Variants in CEACAM20 observed in about 807,000 individuals in gnomAD.
CEACAM20 encodes cell adhesion molecule CEACAM20.
Under a neutral mutation model 61.2 loss-of-function variants are expected in CEACAM20, and 50 were observed. The observed-to-expected ratio is 0.82, with a 90% CI of 0.65 to 1.03. CEACAM20 has a LOEUF of 1.03. Ranked by LOEUF, CEACAM20 falls within the 50% of genes least tolerant of loss-of-function variation. CEACAM20 has a pLI of 0.00. For missense variants in CEACAM20, 683 were observed against 736.4 expected, an observed-to-expected ratio of 0.93 and a Z score of 0.84; for synonymous variants, 282 against 287.7, an observed-to-expected ratio of 0.98 and a Z score of 0.20.
At chr19:44,511,722 T>C in intron 9 of CEACAM20, 50 bp from the exon 10 acceptor site, 1 of 1,584,032 alleles carries the variant, frequency 6.3e-7, no homozygotes, top group Non-Finnish European at 8.6e-7. Flanking sequence ...GAATAGGGGC[T>C]ACCCCAAGAG....
chr19:44,508,114 C>T (rs28417247), intron 11 of CEACAM20, among the ~76,000 whole-genome samples: 2,896 of 152,294 alleles, frequency 0.019, 111 homozygotes, highest in African/African-American at 0.066. Context: ...CAAGAAAACC[C>T]TGTCAGTAGG....
intron 5 of CEACAM20, 24 bp downstream of exon 5, chr19:44,520,450 A>G: frequency 6.2e-7 from 1 of 1,600,778 alleles, no homozygotes; most frequent in Non-Finnish European, 8.5e-7. Flanking sequence ...GAGATGGGGA[A>G]GGTCCAGGCC....
intron 5 of CEACAM20, among the ~76,000 whole-genome samples, chr19:44,520,188 C>T (rs781718835): frequency 1.3e-5 from 2 of 152,232 alleles, no homozygotes; most frequent in African/African-American, 2.4e-5. Flanking sequence ...CCCTCTCCCC[C>T]ACTTCTATGT....
Position 44,522,715 on chromosome 19 carries a change from G to C in CEACAM20, c.670C>G (p.His224Asp). 2 of 1,613,924 alleles carry C rather than the reference G, an allele frequency of 1.2e-6. No homozygotes were observed. Among genetic ancestry groups the C allele is most frequent in the Non-Finnish European group, 1.7e-6 (2 of 1,179,864 alleles). Reference sequence around the variant, plus strand: ...ACCAAGCACCTGTACAGGCCCTCATGTTCTCTGGACACAGCATGGATGGTG... The same window carrying C: ...ACCAAGCACCTGTACAGGCCCTCATCTTCTCTGGACACAGCATGGATGGTG... ...TFTIHAVSRE[H>D]EGLYRCLVSN... The change falls in exon 4 of 12, where the codon CAT (histidine) becomes GAT (aspartate). Residue 224 changes from histidine to aspartate, a missense_variant. Transcript: ENST00000614924.
At chr19:44,520,880 G>A (rs1599680780) in intron 4 of CEACAM20, 128 bp from the exon 5 acceptor site, 1 of 914,694 alleles carries the variant, frequency 1.1e-6, no homozygotes, top group Non-Finnish European at 1.7e-6. Flanking sequence ...TACAGGTGGT[G>A]TATATGATTT....
chr19:44,528,435 A>G (rs1010885809), intron 1 of CEACAM20, among the ~76,000 whole-genome samples: 1 of 152,086 alleles, frequency 6.6e-6, no homozygotes, highest in Non-Finnish European at 1.5e-5. Context: ...CATCTTGGCT[A>G]GGCTGGTCTT....
At chr19:44,510,589 A>T (rs1320436254) in intron 11 of CEACAM20, among the ~76,000 whole-genome samples, 6 of 57,352 alleles carry the variant, frequency 1.0e-4, no homozygotes, top group South Asian at 1.7e-3. Flanking sequence ...AGAAAGAAAG[A>T]AAGAAAGAAA....
intron 5 of CEACAM20, among the ~76,000 whole-genome samples, chr19:44,518,081 G>A (rs114179773): frequency 0.38 from 39,617 of 104,910 alleles, 8,660 homozygotes; most frequent in East Asian, 0.65. Flanking sequence ...AAAGGAAAGA[G>A]GAAAGAAAGA....
At chr19:44,519,668 G>A (rs1229959772) in intron 5 of CEACAM20, among the ~76,000 whole-genome samples, 1 of 152,082 alleles carries the variant, frequency 6.6e-6, no homozygotes, top group African/African-American at 2.4e-5. Flanking sequence ...CATCCACAGT[G>A]CAACCATTTC....
chr19:44,524,098 G>T lies in CEACAM20; in HGVS notation c.360C>A (p.Gly120=). 6.2e-7 allele frequency: 1 copy of T among 1,602,228 alleles called. No individual in the cohort carries two copies. Among genetic ancestry groups the T allele is most frequent in the African/African-American group, 1.3e-5 (1 of 74,920 alleles). The change falls in exon 3 of 12, where the codon GGC becomes GGA. Residue 120 remains glycine (G), a synonymous_variant. Transcript: ENST00000614924. ...GGACAATGAGAATGGTGAGGATCTT[G>T]CCATCCTTGGACAGCTGCATGCGCT... is the stretch of plus-strand genomic sequence containing the variant. ...FHERMQLSKD[G]KILTILIVQR... is the part of the protein sequence containing the mutation.
At chr19:44,518,095 AAAGAAAGAAAGG>A (rs1971228750) in intron 5 of CEACAM20, among the ~76,000 whole-genome samples, 1 of 110,484 alleles carries the variant, frequency 9.1e-6, no homozygotes, top group Non-Finnish European at 1.7e-5. Context: ...AGAAAGAAAG[AAAGAAAGAAAGG>A]AAGGAAGGAA....
In CEACAM20 at chr19:44,524,176, G is replaced by A. The variant is rs763665416; in HGVS notation, c.282C>T (p.Asp94=). The A allele has an allele frequency of 1.4e-5, 22 of 1,613,804 alleles. No homozygotes were observed. Among genetic ancestry groups the A allele is most frequent in the Middle Eastern group, 3.3e-4 (2 of 6,084 alleles). ...AAACCCAGTGGATGGTAATGTTGAC[G>A]TCCTTAGTGGTGCAGTAGAAGGTCA... is the stretch of plus-strand genomic sequence containing the variant. ...DMVTFYCTTK[D]VNITIHWVSN... is the part of the protein sequence containing the mutation. Residue 94 remains aspartate (D), a synonymous_variant, in exon 3 of 12, where the codon GAC becomes GAT. Transcript: ENST00000614924.
intron 11 of CEACAM20, among the ~76,000 whole-genome samples, chr19:44,507,917 G>A (rs143327614): frequency 1.3e-5 from 2 of 152,204 alleles, no homozygotes; most frequent in African/African-American, 4.8e-5. Flanking sequence ...AGGTGTATAG[G>A]ATATTCACAT....
At chr19:44,520,378 A>T (rs1417682872) in intron 5 of CEACAM20, 96 bp downstream of exon 5, 17 of 1,463,744 alleles carry the variant, frequency 1.2e-5, no homozygotes, top group Non-Finnish European at 1.3e-5. Flanking sequence ...ACAGAGCAGG[A>T]GCTCAATAAT....
At chr19:44,528,170 CCTTTCT>C (rs1971590034) in intron 1 of CEACAM20, among the ~76,000 whole-genome samples, 1 of 94,568 alleles carries the variant, frequency 1.1e-5, no homozygotes, top group Non-Finnish European at 2.5e-5. Context: ...TTCTTTCTTT[CCTTTCT>C]TTCTTTCCTT....
At chr19:44,528,528 C>T (rs1971606176) in intron 1 of CEACAM20, among the ~76,000 whole-genome samples, 1 of 152,072 alleles carries the variant, frequency 6.6e-6, no homozygotes, top group Non-Finnish European at 1.5e-5. Context: ...CTGGGCCCCA[C>T]TGGTATCATT....
rs759513175 is a variant in CEACAM20, at chr19:44,517,231, G to A, written c.1031-7C>T. ...TGCACTTGGTCAGGACCATCTGTGT[G>A]TAAAGCCAAACGTGATGCACCCTGG... On this transcript the variant is annotated splice_region_variant and splice_polypyrimidine_tract_variant and intron_variant, in intron 5 of 11. Coordinates refer to ENST00000614924, the MANE Select transcript of CEACAM20 (RefSeq NM_001102597.3). 5.0e-6 allele frequency: 8 copies of A among 1,600,982 alleles called. No individual in the cohort carries two copies. In the South Asian group the frequency reaches 8.8e-5, roughly 18 times the overall value.
intron 1 of CEACAM20, among the ~76,000 whole-genome samples, chr19:44,528,902 T>TCTC (rs1222817528): frequency 6.6e-6 from 1 of 151,378 alleles, no homozygotes; most frequent in Non-Finnish European, 1.5e-5. Context: ...TCTGTTTATG[T>TCTC]CTCCTTCTAT....
chr19:44,507,267 C>T (rs973144349), intron 11 of CEACAM20, among the ~76,000 whole-genome samples: 5 of 152,202 alleles, frequency 3.3e-5, no homozygotes, highest in African/African-American at 1.2e-4. Flanking sequence ...AGGAAACAAA[C>T]ATGGCTCCCC....
Sources: allele counts gnomAD v4.1 joint callset (sites outside exome capture counted in the v4.1 genomes callset), GRCh38; gene constraint gnomAD v4.1.1; transcripts MANE v1.5; gene names NCBI Gene and HGNC (gene_info 2026-07-23, HGNC 2026-07-21).